The following SOCS5 variants were observed in gnomAD, a reference collection of about 807,000 sequenced individuals.
SOCS5 encodes CIS-6.
Under a neutral mutation model 42.8 loss-of-function variants are expected in SOCS5, and 32 were observed. The ratio of observed to expected loss-of-function variants is 0.75; its 90% CI spans 0.56 to 1.01. The LOEUF (loss-of-function observed/expected upper bound fraction) is 1.01. SOCS5 is among the 50% of genes least tolerant of loss of function. SOCS5 has a pLI of 0.00. For synonymous variants in SOCS5, 283 were observed against 229.6 expected, an observed-to-expected ratio of 1.23 and a Z score of -2.10; for missense variants, 627 against 653.0, an observed-to-expected ratio of 0.96 and a Z score of 0.43.
chr2:46,710,485 T>A (rs985717674), intron 1 of SOCS5, among the ~76,000 whole-genome samples: 15 of 152,156 alleles, frequency 9.9e-5, no homozygotes, highest in African/African-American at 3.6e-4. Context: ...AATTTACATA[T>A]AGTGAAATAC....
intron 1 of SOCS5, among the ~76,000 whole-genome samples, chr2:46,705,031 G>A (rs1672429685): frequency 6.6e-6 from 1 of 152,042 alleles, no homozygotes; most frequent in African/African-American, 2.4e-5. Flanking sequence ...AACACCATGG[G>A]GACAGAAGTT....
At chr2:46,716,989 G>GT (rs1672761869) in intron 1 of SOCS5, among the ~76,000 whole-genome samples, 1 of 152,150 alleles carries the variant, frequency 6.6e-6, no homozygotes, top group Non-Finnish European at 1.5e-5. Context: ...CTGGCCCTGT[G>GT]TGAACTCTAA....
rs531196491 is a variant in SOCS5, at chr2:46,699,916, A to C, written c.-13+467A>C. Among the ~76,000 whole-genome samples the C allele has an allele frequency of 1.5e-4, 23 of 152,092 alleles. No homozygotes were observed. Among genetic ancestry groups the C allele is most frequent in the Non-Finnish European group, 3.1e-4 (21 of 67,972 alleles). ...CCAAGAGCCCGATCTGGGGGTCTTC[A>C]AGGTCGAGGAGAAAAGATCCTCTTG... is the stretch of plus-strand genomic sequence containing the variant. On this transcript the variant is annotated intron_variant, in intron 1 of 1. Coordinates refer to ENST00000394861, the MANE Select transcript of SOCS5 (RefSeq NM_144949.3). The surrounding 1 kb of genome is among the most constrained non-coding windows in gnomAD (Gnocchi z 4.8).
At chr2:46,735,065 C>G (rs908897952) in intron 1 of SOCS5, among the ~76,000 whole-genome samples, 4 of 152,218 alleles carry the variant, frequency 2.6e-5, no homozygotes. Context: ...TCTGCGAAGC[C>G]TTTCCTGATC....
intron 1 of SOCS5, among the ~76,000 whole-genome samples, chr2:46,711,598 G>C (rs971841160): frequency 6.6e-6 from 1 of 152,102 alleles, no homozygotes; most frequent in Non-Finnish European, 1.5e-5. Flanking sequence ...GGCATCTTTC[G>C]ATGAACAAAA....
intron 1 of SOCS5, among the ~76,000 whole-genome samples, chr2:46,735,615 T>C (rs1673226047): frequency 6.6e-6 from 1 of 151,946 alleles, no homozygotes; most frequent in African/African-American, 2.4e-5. Context: ...GACTGTGTTT[T>C]TCATCTTTTT....
chr2:46,743,324 G>A (rs959222402), intron 1 of SOCS5, among the ~76,000 whole-genome samples: 1 of 152,100 alleles, frequency 6.6e-6, no homozygotes, highest in Non-Finnish European at 1.5e-5. Context: ...GAGCGGCCCC[G>A]TGGGCTGCTG....
At chr2:46,708,620 T>C (rs575081432) in intron 1 of SOCS5, among the ~76,000 whole-genome samples, 4 of 152,256 alleles carry the variant, frequency 2.6e-5, no homozygotes, top group African/African-American at 9.6e-5. Flanking sequence ...CTATTACCCA[T>C]TGCCACCCCA....
Position 46,750,105 on chromosome 2 carries a change from G to A in SOCS5, c.-12-8414G>A, listed in dbSNP as rs568006509. Among the ~76,000 whole-genome samples, 13 of 152,238 alleles carry A rather than the reference G, an allele frequency of 8.5e-5. No homozygotes were observed. In the East Asian group the frequency reaches 1.3e-3, roughly 16 times the overall value. On this transcript the variant is annotated intron_variant, in intron 1 of 1. Coordinates refer to ENST00000394861, the MANE Select transcript of SOCS5 (RefSeq NM_144949.3). ...AGAAATATGAAGAAAGACATTCAAG[G>A]TTATAGGATTCTTAAATGGTAATGC...
chr2:46,759,638 G>A lies in SOCS5; in HGVS notation c.1108G>A (p.Val370Met), dbSNP rs780308963. The A allele has an allele frequency of 2.5e-6, 4 of 1,614,002 alleles. No homozygotes were observed. Among genetic ancestry groups the A allele is most frequent in the Non-Finnish European group, 3.4e-6 (4 of 1,179,928 alleles). ...ACAGATTGATTACATACACTGCCTC[G>A]TGCCTGATTTGCTTCAAATTACAGG... Reference protein sequence around the residue: ...HTQIDYIHCLVPDLLQITGNP... With the variant: ...HTQIDYIHCLMPDLLQITGNP... The change falls in exon 2 of 2, where the codon GTG (valine) becomes ATG (methionine). Residue 370 changes from valine to methionine, a missense_variant. Around this residue, in one of 3 missense-constraint regions of SOCS5, gnomAD observed 340 missense variants for 367.6 expected, o/e 0.92. Coordinates refer to ENST00000394861, the MANE Select transcript of SOCS5 (RefSeq NM_144949.3).
chr2:46,715,090 A>G (rs1672708882), intron 1 of SOCS5, among the ~76,000 whole-genome samples: 1 of 152,096 alleles, frequency 6.6e-6, no homozygotes, highest in African/African-American at 2.4e-5. Context: ...TTTTCAAGCA[A>G]TTAAAAGTGA....
Position 46,759,011 on chromosome 2 carries a change from G to A in SOCS5, c.481G>A (p.Val161Ile), listed in dbSNP as rs1237755056. 1.9e-6 allele frequency: 3 copies of A among 1,613,886 alleles called. No individual in the cohort carries two copies. Among genetic ancestry groups the A allele is most frequent in the African/African-American group, 2.7e-5 (2 of 74,938 alleles). The change falls in exon 2 of 2, where the codon GTA becomes ATA. Residue 161 changes from valine to isoleucine, a missense_variant. Coordinates refer to ENST00000394861, the MANE Select transcript of SOCS5 (RefSeq NM_144949.3). ...AGAGAGGCGCTACGGCGTAAGTTCTGTACACGACATGGACAGTGTTTCCAG... is the reference window on the plus strand; with the variant it reads ...AGAGAGGCGCTACGGCGTAAGTTCTATACACGACATGGACAGTGTTTCCAG... ...RRERRYGVSS[V>I]HDMDSVSSRT...
At chr2:46,743,068 A>G (rs956153961) in intron 1 of SOCS5, among the ~76,000 whole-genome samples, 8 of 152,116 alleles carry the variant, frequency 5.3e-5, no homozygotes, top group African/African-American at 1.7e-4. Flanking sequence ...TTAGGCCCCA[A>G]AGTATAGTTT....
At chr2:46,703,001 C>T (rs1416893044) in intron 1 of SOCS5, among the ~76,000 whole-genome samples, 1 of 152,178 alleles carries the variant, frequency 6.6e-6, no homozygotes, top group Non-Finnish European at 1.5e-5. Flanking sequence ...TCTTTGCCTT[C>T]TGTCACAATA....
rs1042502361 is a variant in SOCS5 at position 46,699,393 on chromosome 2, G to C, written c.-69G>C. ...CCCTGTCGGTGACTGCGCCGTCCGGGCCCGTCCTGCCTGGCCGCAGGTGCC... is the reference window on the plus strand; with the variant it reads ...CCCTGTCGGTGACTGCGCCGTCCGGCCCCGTCCTGCCTGGCCGCAGGTGCC... On this transcript the variant is annotated 5_prime_UTR_variant, in exon 1 of 2. Transcript: ENST00000394861. The surrounding 1 kb of genome is among the most constrained non-coding windows in gnomAD (Gnocchi z 4.8). 2.6e-5 allele frequency: 4 copies of C among 151,994 alleles called. No individual in the cohort carries two copies. The highest frequency in any genetic ancestry group is 6.6e-5 in the Admixed American group (1 of 15,262). 9.4% of individuals were successfully genotyped at this position (151,994 alleles called of 1,614,324 possible).
At chr2:46,713,603 A>G (rs1204004762) in intron 1 of SOCS5, among the ~76,000 whole-genome samples, 1 of 152,028 alleles carries the variant, frequency 6.6e-6, no homozygotes, top group Non-Finnish European at 1.5e-5. Flanking sequence ...AATCCTTTCA[A>G]AGAACCAACT....
intron 1 of SOCS5, among the ~76,000 whole-genome samples, chr2:46,711,254 A>C (rs12998762): frequency 0.27 from 41,495 of 151,874 alleles, 6,751 homozygotes; most frequent in Non-Finnish European, 0.37. Context: ...AGATAGTTTT[A>C]CCATTTTACA....
chr2:46,700,870 A>AT (rs1672328255), intron 1 of SOCS5, among the ~76,000 whole-genome samples: 1 of 152,002 alleles, frequency 6.6e-6, no homozygotes, highest in South Asian at 2.1e-4. Context: ...TATGTTAGTA[A>AT]TTTTTTACAT....
intron 1 of SOCS5, among the ~76,000 whole-genome samples, chr2:46,712,637 C>T (rs1481481579): frequency 6.6e-6 from 1 of 152,126 alleles, no homozygotes; most frequent in Non-Finnish European, 1.5e-5. Flanking sequence ...CCACTGTGCC[C>T]GGCCTGTTCA....
Sources: gnomAD v4.1 joint callset for allele counts (sites outside exome capture counted in the v4.1 genomes callset) on GRCh38, gnomAD v4.1.1 for gene constraint, gnomAD v4.1.1 regional missense constraint, Gnocchi (gnomAD v3.1) non-coding constraint, MANE v1.5 for transcripts, NCBI Gene and HGNC (gene_info 2026-07-23, HGNC 2026-07-21) for gene names.